The following GLIS3 variants were observed in gnomAD, a reference collection of about 807,000 sequenced individuals.
The protein encoded by GLIS3 is GLIS family zinc finger 3, also known as zinc finger protein GLIS3.
In GLIS3, 53 loss-of-function variants were observed where a neutral mutation model predicts 78.6. The ratio of observed to expected loss-of-function variants is 0.67; its 90% CI spans 0.54 to 0.85. The LOEUF (loss-of-function observed/expected upper bound fraction) is 0.85. GLIS3 is among the 40% of genes least tolerant of loss of function. GLIS3 has a pLI of 0.00. For missense variants in GLIS3, 1,703 were observed against 1,231.1 expected, an observed-to-expected ratio of 1.38 and a Z score of -5.74; for synonymous variants, 684 against 509.9, an observed-to-expected ratio of 1.34 and a Z score of -4.60.
chr9:4,436,810 C>CAATA, the GLIS3 span, among the ~76,000 whole-genome samples: 388 of 53,602 alleles, frequency 7.2e-3, 2 homozygotes, highest in African/African-American at 0.027. Flanking sequence ...GACTGCATCT[C>CAATA]AAAAAAAAAA....
intron 4 of GLIS3, among the ~76,000 whole-genome samples, chr9:4,043,729 C>G (rs771008895): frequency 6.6e-6 from 1 of 152,216 alleles, no homozygotes; most frequent in Non-Finnish European, 1.5e-5. Context: ...TGTTTTCACA[C>G]CATCTTTGAG....
At chr9:4,223,579 G>C (rs113760910) in intron 2 of GLIS3, among the ~76,000 whole-genome samples, 2 of 129,534 alleles carry the variant, frequency 1.5e-5, no homozygotes, top group Non-Finnish European at 3.4e-5. Flanking sequence ...TGAAAGAAGT[G>C]TTTTAATCGG....
At chr9:4,050,504 A>C (rs1309649718) in intron 4 of GLIS3, among the ~76,000 whole-genome samples, 1 of 152,086 alleles carries the variant, frequency 6.6e-6, no homozygotes, top group Non-Finnish European at 1.5e-5. Context: ...GTACATGACA[A>C]TTTGATGGGT....
intron 4 of GLIS3, among the ~76,000 whole-genome samples, chr9:4,042,277 G>A (rs1037243990): frequency 7.2e-5 from 11 of 152,146 alleles, no homozygotes; most frequent in Non-Finnish European, 1.3e-4. Flanking sequence ...AAGTATCCAA[G>A]ATGTAAACAT....
At chr9:4,460,300 T>C in the GLIS3 span, among the ~76,000 whole-genome samples, 3 of 152,300 alleles carry the variant, frequency 2.0e-5, no homozygotes, top group East Asian at 5.8e-4. Flanking sequence ...TAATCTTTAA[T>C]TATAAAATGG....
Position 3,954,345 on chromosome 9 carries a change from G to A in GLIS3, c.1711-17156C>T, listed in dbSNP as rs913082309. 9.2e-5 allele frequency among the ~76,000 whole-genome samples: 14 copies of A among 152,324 alleles called. No homozygotes were observed. In the East Asian group the frequency reaches 2.7e-3, roughly 29 times the overall value. ...CAAAGCTTAGAAATAATGGTACAAT[G>A]TTCACTGGAGGATTAAATCAGAGCC... On this transcript the variant is annotated intron_variant, in intron 4 of 10. Coordinates refer to ENST00000381971, the MANE Select transcript of GLIS3 (RefSeq NM_001042413.2).
chr9:4,366,154 T>C, the GLIS3 span, among the ~76,000 whole-genome samples: 22 of 152,294 alleles, frequency 1.4e-4, no homozygotes, highest in East Asian at 1.2e-3. Flanking sequence ...AAATGTGGAA[T>C]TAACTTTAAC....
Position 4,092,106 on chromosome 9 carries a change from TTTTC to T in GLIS3, c.1710+25658_1710+25661del, listed in dbSNP as rs761233830. ...AGGCTACACTAAATCTATTAAAAATTTTTCTTTCTTTAATAATAAATTTATCTTA... is the reference window on the plus strand; with the variant it reads ...AGGCTACACTAAATCTATTAAAAATTTTTCTTTAATAATAAATTTATCTTA... On this transcript the variant is annotated intron_variant, in intron 4 of 10. Coordinates refer to ENST00000381971, the MANE Select transcript of GLIS3 (RefSeq NM_001042413.2). Among the ~76,000 whole-genome samples the T allele has an allele frequency of 5.3e-5, 8 of 151,934 alleles. No individual in the cohort carries two copies. In the East Asian group the frequency reaches 5.8e-4, roughly 11 times the overall value.
intron 2 of GLIS3, among the ~76,000 whole-genome samples, chr9:4,134,630 G>A (rs1456931995): frequency 6.6e-6 from 1 of 152,140 alleles, no homozygotes; most frequent in Non-Finnish European, 1.5e-5. Flanking sequence ...TAATGTTATT[G>A]TCATGATTAT....
exon 1 of GLIS3, chr9:4,348,315 G>C (rs1030419709): frequency 6.6e-6 from 1 of 152,202 alleles, no homozygotes; most frequent in African/African-American, 2.4e-5. Context: ...TTTCCTGCCA[G>C]TTCAGCACCC....
chr9:3,939,884 A>G (rs1826106241), intron 4 of GLIS3, among the ~76,000 whole-genome samples: 2 of 152,228 alleles, frequency 1.3e-5, no homozygotes, highest in Admixed American at 6.5e-5. Context: ...ATCAGGCACT[A>G]AAGGATTGAT....
chr9:4,387,936 T>C, the GLIS3 span, among the ~76,000 whole-genome samples: 5 of 152,216 alleles, frequency 3.3e-5, no homozygotes, highest in African/African-American at 4.8e-5. Context: ...TTTTAAACTG[T>C]GGAAAAACGA....
intron 2 of GLIS3, among the ~76,000 whole-genome samples, chr9:4,141,986 A>G (rs1196087028): frequency 6.6e-6 from 1 of 152,210 alleles, no homozygotes; most frequent in Non-Finnish European, 1.5e-5. Flanking sequence ...AGTAAATGTG[A>G]CTTTCATCTC....
intron 2 of GLIS3, among the ~76,000 whole-genome samples, chr9:4,242,565 C>T (rs1265862060): frequency 6.6e-6 from 1 of 152,114 alleles, no homozygotes; most frequent in Non-Finnish European, 1.5e-5. Flanking sequence ...GGTTGTCTCA[C>T]AACAGGCTCC....
intron 4 of GLIS3, among the ~76,000 whole-genome samples, chr9:4,028,004 C>G (rs1823490503): frequency 6.6e-6 from 1 of 152,140 alleles, no homozygotes. Context: ...AAGTTGTATG[C>G]TAGACCAAAC....
At chr9:4,399,448 A>C in the GLIS3 span, among the ~76,000 whole-genome samples, 1 of 152,202 alleles carries the variant, frequency 6.6e-6, no homozygotes, top group Non-Finnish European at 1.5e-5. Context: ...ACAGATGAGG[A>C]AACTAAGGCT....
At chr9:4,416,252 T>TTTTTAAA in the GLIS3 span, among the ~76,000 whole-genome samples, 2 of 75,838 alleles carry the variant, frequency 2.6e-5, no homozygotes, top group African/African-American at 1.1e-4. Flanking sequence ...ACACTGTTTT[T>TTTTTAAA]AAAAAAAAAA....
rs1013919211 is a variant in GLIS3, at chr9:3,825,132, T to C, written c.*3140A>G. On this transcript the variant is annotated 3_prime_UTR_variant, in exon 11 of 11. Transcript: ENST00000381971. Reference sequence around the variant, plus strand: ...GAGTTGAATTTATCCTTGCTCAAAATTGGTTTTAGGGGCTACTGTGCTTGA... The same window carrying C: ...GAGTTGAATTTATCCTTGCTCAAAACTGGTTTTAGGGGCTACTGTGCTTGA... 9.9e-5 allele frequency: 15 copies of C among 152,144 alleles called. No homozygotes were observed. Among genetic ancestry groups the C allele is most frequent in the African/African-American group, 3.6e-4 (15 of 41,432 alleles). 9.4% of individuals were successfully genotyped at this position (152,144 alleles called of 1,614,324 possible).
chr9:4,272,867 G>A (rs888084035), intron 2 of GLIS3, among the ~76,000 whole-genome samples: 3 of 152,168 alleles, frequency 2.0e-5, no homozygotes, highest in Non-Finnish European at 2.9e-5. Flanking sequence ...AGTCCTATGC[G>A]TAATTATTAA....
Sources: gnomAD v4.1 joint callset for allele counts (sites outside exome capture counted in the v4.1 genomes callset) on GRCh38, gnomAD v4.1.1 for gene constraint, MANE v1.5 for transcripts, NCBI Gene and HGNC (gene_info 2026-07-23, HGNC 2026-07-21) for gene names.